Variants in LIN28B observed in about 807,000 individuals in gnomAD.
LIN28B encodes lin-28 RNA binding posttranscriptional regulator B, also known as protein lin-28 homolog B.
Under a neutral mutation model 21.9 loss-of-function variants are expected in LIN28B, and 5 were observed. That is an observed-to-expected ratio of 0.23 (90% confidence interval 0.12 to 0.48). The LOEUF is 0.48. Among genes scored for constraint, LIN28B ranks in the 20% least tolerant of loss-of-function variants. LIN28B has a pLI of 0.98. For synonymous variants in LIN28B, 109 were observed against 111.3 expected (o/e 0.98, Z 0.13); for missense variants, 245 against 310.5 (o/e 0.79, Z 1.58).
rs114124500 is a variant in LIN28B at position 104,970,482 on chromosome 6, G to C, written c.198+12196G>C. On this transcript the variant is annotated intron_variant, in intron 2 of 3. Coordinates refer to ENST00000345080, the MANE Select transcript of LIN28B (RefSeq NM_001004317.4). ...ACTTTGAGAAAATATTTATCGATAT[G>C]TGTCTTGTTTAATTTCATATGCTTT... is the stretch of plus-strand genomic sequence containing the variant. 7.0e-3 allele frequency among the ~76,000 whole-genome samples: 1,067 copies of C among 152,200 alleles called. 10 individuals carry two copies. Among genetic ancestry groups the C allele is most frequent in the African/African-American group, 0.024 (988 of 41,526 alleles).
intron 2 of LIN28B, among the ~76,000 whole-genome samples, chr6:104,977,329 A>G (rs1042503602): frequency 2.0e-5 from 3 of 152,140 alleles, no homozygotes; most frequent in Non-Finnish European, 2.9e-5. Context: ...AATCATTGTC[A>G]TCCTTCAGAA....
intron 2 of LIN28B, among the ~76,000 whole-genome samples, chr6:104,965,123 T>C (rs973321710): frequency 6.6e-6 from 1 of 152,252 alleles, no homozygotes; most frequent in East Asian, 1.9e-4. Flanking sequence ...TTATGTGCTT[T>C]CTTTAAAATT....
intron 2 of LIN28B, among the ~76,000 whole-genome samples, chr6:105,012,277 G>A (rs1770939692): frequency 6.6e-6 from 1 of 152,004 alleles, no homozygotes; most frequent in African/African-American, 2.4e-5. Context: ...AGACCAGCCT[G>A]ACCAAAATGG....
chr6:105,055,919 CTTTT>C (rs71006633), intron 3 of LIN28B, among the ~76,000 whole-genome samples: 1 of 83,428 alleles, frequency 1.2e-5, no homozygotes, highest in East Asian at 4.0e-4. Context: ...CCATGCCTGG[CTTTT>C]TTTTTTTTTT....
intron 2 of LIN28B, among the ~76,000 whole-genome samples, chr6:105,020,025 A>G (rs1305067214): frequency 6.6e-6 from 1 of 151,786 alleles, no homozygotes; most frequent in Non-Finnish European, 1.5e-5. Context: ...AGCCATTACT[A>G]TCTGGAGCCC....
chr6:104,963,405 T>C (rs1433026040), intron 2 of LIN28B, among the ~76,000 whole-genome samples: 2 of 152,214 alleles, frequency 1.3e-5, no homozygotes, highest in African/African-American at 2.4e-5. Flanking sequence ...AAAGATACTT[T>C]TGATTTTCAA....
In LIN28B at chr6:105,078,511, G is replaced by C. The variant is rs1465416325; in HGVS notation, c.481G>C (p.Val161Leu). ...TTACTGTCAGAGCATCATGCACATGGTGGCAAACTGCCCACATAAAAATGT... is the reference window on the plus strand; with the variant it reads ...TTACTGTCAGAGCATCATGCACATGCTGGCAAACTGCCCACATAAAAATGT... ...CHYCQSIMHM[V>L]ANCPHKNVAQ... The change falls in exon 4 of 4, where the codon GTG becomes CTG. Residue 161 changes from valine to leucine, a missense_variant. Coordinates refer to ENST00000345080, the MANE Select transcript of LIN28B (RefSeq NM_001004317.4). 12 of 1,613,996 alleles carry C rather than the reference G, an allele frequency of 7.4e-6. No individual in the cohort carries two copies. The highest frequency in any genetic ancestry group is 1.3e-5 in the African/African-American group (1 of 74,896).
chr6:105,008,254 G>C lies in LIN28B; in HGVS notation c.199-18044G>C, dbSNP rs775169541. Among the ~76,000 whole-genome samples the C allele has an allele frequency of 7.2e-5, 11 of 152,152 alleles. No individual in the cohort carries two copies. The South Asian group carries it at 1.4e-3, about 20-fold the overall frequency. On this transcript the variant is annotated intron_variant, in intron 2 of 3. Coordinates refer to ENST00000345080, the MANE Select transcript of LIN28B (RefSeq NM_001004317.4). ...ACGGAATTATTTTCATTCTGTGTTT[G>C]AAAATGACATTGTATCTTGAGAGTG...
rs566626295 is a variant in LIN28B at position 105,027,981 on chromosome 6, A to G, written c.383+1499A>G. Among the ~76,000 whole-genome samples, 5 of 152,306 alleles carry G rather than the reference A, an allele frequency of 3.3e-5. No individual in the cohort carries two copies. In the East Asian group the frequency reaches 9.6e-4, roughly 29 times the overall value. ...GCTCATTTTGTACAAAAGAAAGTCC[A>G]TGAATGTGTGTGAAAGTTTAATGAT... On this transcript the variant is annotated intron_variant, in intron 3 of 3. Transcript: ENST00000345080.
At chr6:104,959,631 GTTTAAGT>G (rs1293209865) in intron 2 of LIN28B, among the ~76,000 whole-genome samples, 1 of 152,138 alleles carries the variant, frequency 6.6e-6, no homozygotes, top group Non-Finnish European at 1.5e-5. Context: ...TTGAAACAGG[GTTTAAGT>G]ACACAAATAC....
chr6:105,053,407 G>A (rs1442338745), intron 3 of LIN28B, among the ~76,000 whole-genome samples: 1 of 151,456 alleles, frequency 6.6e-6, no homozygotes, highest in Non-Finnish European at 1.5e-5. Flanking sequence ...GTGTGTGTGT[G>A]TGTGTGCACG....
In LIN28B at chr6:104,991,231, G is replaced by T. The variant is rs530093537; in HGVS notation, c.198+32945G>T. 4.5e-4 allele frequency among the ~76,000 whole-genome samples: 68 copies of T among 151,378 alleles called. No individual in the cohort carries two copies. The South Asian group carries it at 7.5e-3, about 17-fold the overall frequency. On this transcript the variant is annotated intron_variant, in intron 2 of 3. Transcript: ENST00000345080. The stretch of plus-strand genomic sequence containing the variant: ...CAGACGGGGTGGCTGGCCGGGCGGG[G>T]GCTGCCCCCTGCCTCCCTCCCGGAC...
At chr6:105,042,893 A>G (rs1771665146) in intron 3 of LIN28B, among the ~76,000 whole-genome samples, 1 of 152,128 alleles carries the variant, frequency 6.6e-6, no homozygotes, top group South Asian at 2.1e-4. Context: ...AAACAGAGAC[A>G]AACCTCTGAT....
chr6:104,956,516 A>G (rs535413322), upstream of LIN28B, among the ~76,000 whole-genome samples: 4 of 152,352 alleles, frequency 2.6e-5, no homozygotes, highest in Admixed American at 2.6e-4. Flanking sequence ...AATTTCGGGC[A>G]TAATCAGGTA....
intron 2 of LIN28B, among the ~76,000 whole-genome samples, chr6:104,966,553 A>T (rs983407414): frequency 6.6e-6 from 1 of 151,616 alleles, no homozygotes; most frequent in African/African-American, 2.4e-5. Context: ...TCCTGACTCA[A>T]GCAATTATCC....
chr6:105,018,112 T>G (rs551575204), intron 2 of LIN28B, among the ~76,000 whole-genome samples: 12 of 151,732 alleles, frequency 7.9e-5, no homozygotes, highest in Non-Finnish European at 1.5e-4. Context: ...ATAGTGAGAC[T>G]CCGTCTCTAC....
At chr6:104,946,551 T>C (rs1334476807) in intron 2 of LIN28B, among the ~76,000 whole-genome samples, 1 of 152,160 alleles carries the variant, frequency 6.6e-6, no homozygotes, top group Non-Finnish European at 1.5e-5. Flanking sequence ...CCATGTTTAA[T>C]ATTTTATTTG....
At chr6:104,990,468 A>T (rs1770437871) in intron 2 of LIN28B, among the ~76,000 whole-genome samples, 1 of 151,444 alleles carries the variant, frequency 6.6e-6, no homozygotes, top group African/African-American at 2.4e-5. Context: ...TTTTGAATTT[A>T]ACTTTTCTGT....
chr6:105,021,736 T>G (rs1771145441), intron 2 of LIN28B, among the ~76,000 whole-genome samples: 1 of 152,214 alleles, frequency 6.6e-6, no homozygotes, highest in South Asian at 2.1e-4. Flanking sequence ...GTCAGATAAC[T>G]AATTTGCAAA....
Sources: allele counts gnomAD v4.1 joint callset (sites outside exome capture counted in the v4.1 genomes callset), GRCh38; gene constraint gnomAD v4.1.1; transcripts MANE v1.5; gene names NCBI Gene and HGNC (gene_info 2026-07-23, HGNC 2026-07-21).